SORCS1: variants seen among roughly 807,000 people sequenced by gnomAD.
SORCS1 encodes the protein VPS10 domain-containing receptor SorCS1.
In SORCS1, 60 loss-of-function variants were observed where a neutral mutation model predicts 146.1. The ratio of observed to expected loss-of-function variants is 0.41; its 90% confidence interval spans 0.33 to 0.51. The LOEUF (loss-of-function observed/expected upper bound fraction) is 0.51, where lower values mean the gene tolerates loss of function less well. Ranked by LOEUF, SORCS1 falls within the 20% of genes least tolerant of loss-of-function variation. The pLI is 0.21. For missense variants in SORCS1, 1,352 were observed against 1,487.6 expected, an observed-to-expected ratio of 0.91 and a Z score of 1.50; for synonymous variants, 637 against 584.0, an observed-to-expected ratio of 1.09 and a Z score of -1.31.
intron 3 of SORCS1, among the ~76,000 whole-genome samples, chr10:106,801,858 T>C (rs915785055): frequency 3.3e-5 from 5 of 152,150 alleles, no homozygotes; most frequent in East Asian, 1.9e-4. Flanking sequence ...CAGATGAATA[T>C]GCTGAGGCAC....
chr10:106,596,670 C>T (rs960591570), intron 24 of SORCS1, among the ~76,000 whole-genome samples: 10 of 152,028 alleles, frequency 6.6e-5, no homozygotes, highest in Admixed American at 1.3e-4. Context: ...ATCTCTACTG[C>T]GTTACATTAT....
At chr10:106,820,607 T>C (rs554752547) in intron 3 of SORCS1, among the ~76,000 whole-genome samples, 1 of 152,312 alleles carries the variant, frequency 6.6e-6, no homozygotes, top group South Asian at 2.1e-4. Flanking sequence ...TTGACTTTGT[T>C]TTCATGACAG....
At chr10:106,731,175 G>A (rs893202334) in intron 5 of SORCS1, among the ~76,000 whole-genome samples, 1 of 151,614 alleles carries the variant, frequency 6.6e-6, no homozygotes, top group African/African-American at 2.4e-5. Flanking sequence ...CGGGCGTGGT[G>A]GTGGGGTGCC....
chr10:106,854,330 T>G (rs1317206092), intron 2 of SORCS1, among the ~76,000 whole-genome samples: 1 of 152,082 alleles, frequency 6.6e-6, no homozygotes, highest in African/African-American at 2.4e-5. Flanking sequence ...ACTTTTAATT[T>G]GAATGTATCT....
intron 18 of SORCS1, among the ~76,000 whole-genome samples, chr10:106,632,698 A>G (rs1328359961): frequency 6.6e-6 from 1 of 152,240 alleles, no homozygotes; most frequent in Middle Eastern, 3.2e-3. Context: ...CTTACAGACC[A>G]CTAGTGAAAC....
At chr10:106,918,396 C>G (rs1239664310) in intron 2 of SORCS1, among the ~76,000 whole-genome samples, 1 of 152,152 alleles carries the variant, frequency 6.6e-6, no homozygotes, top group African/African-American at 2.4e-5. Flanking sequence ...ATCTCCTGAC[C>G]TGGTGATCCA....
At chr10:106,655,147 G>T (rs142027556) in intron 17 of SORCS1, among the ~76,000 whole-genome samples, 57 of 152,188 alleles carry the variant, frequency 3.7e-4, no homozygotes, top group South Asian at 8.3e-4. Context: ...GAGCCACCAC[G>T]CCTGGCCTCA....
At chr10:106,957,155 G>GTTT (rs373309411) in intron 1 of SORCS1, among the ~76,000 whole-genome samples, 4 of 136,442 alleles carry the variant, frequency 2.9e-5, no homozygotes, top group East Asian at 2.1e-4. Flanking sequence ...TTAGCATGTG[G>GTTT]TTTTTTTTTG....
chr10:107,071,605 G>C (rs957139002), intron 1 of SORCS1, among the ~76,000 whole-genome samples: 1 of 152,160 alleles, frequency 6.6e-6, no homozygotes, highest in Non-Finnish European at 1.5e-5. Context: ...CACATCCCTG[G>C]AAAATCATCC....
chr10:107,144,717 C>G (rs1222874418), intron 1 of SORCS1, among the ~76,000 whole-genome samples: 1 of 152,234 alleles, frequency 6.6e-6, no homozygotes, highest in Non-Finnish European at 1.5e-5. Context: ...GGGAACAGCT[C>G]CACCTGCTGA....
At chr10:107,018,072 A>T (rs752587092) in intron 1 of SORCS1, among the ~76,000 whole-genome samples, 2 of 152,202 alleles carry the variant, frequency 1.3e-5, no homozygotes, top group Non-Finnish European at 2.9e-5. Flanking sequence ...CTAAAGACAC[A>T]GTGGCACAGA....
intron 1 of SORCS1, among the ~76,000 whole-genome samples, chr10:107,096,210 TCA>T (rs1964536261): frequency 6.6e-6 from 1 of 152,240 alleles, no homozygotes; most frequent in Non-Finnish European, 1.5e-5. Context: ...CAAGAAACAG[TCA>T]CAGTTATGTT....
At chr10:106,645,770 T>C (rs921226729) in intron 18 of SORCS1, among the ~76,000 whole-genome samples, 3 of 152,038 alleles carry the variant, frequency 2.0e-5, no homozygotes, top group Non-Finnish European at 2.9e-5. Flanking sequence ...AATTTTATTA[T>C]TTTATTACTG....
intron 17 of SORCS1, among the ~76,000 whole-genome samples, chr10:106,655,023 AT>A: frequency 6.6e-6 from 1 of 152,152 alleles, no homozygotes; most frequent in Non-Finnish European, 1.5e-5. Context: ...CGAATGGCTA[AT>A]TTTTGTATTT....
chr10:106,924,768 T>G (rs77914271), intron 2 of SORCS1, among the ~76,000 whole-genome samples: 29 of 82,670 alleles, frequency 3.5e-4, no homozygotes, highest in South Asian at 8.2e-4. Flanking sequence ...GCATGGATTT[T>G]TTTTTTTTTT....
At chr10:107,055,600 C>A (rs1209570452) in intron 1 of SORCS1, among the ~76,000 whole-genome samples, 1 of 152,180 alleles carries the variant, frequency 6.6e-6, no homozygotes, top group Non-Finnish European at 1.5e-5. Context: ...GGTGATAGAA[C>A]TCATCCATTA....
intron 1 of SORCS1, among the ~76,000 whole-genome samples, chr10:107,083,923 G>C (rs925417247): frequency 6.6e-6 from 1 of 152,042 alleles, no homozygotes; most frequent in African/African-American, 2.4e-5. Flanking sequence ...GAAATGTATG[G>C]AATGCTGTTG....
At chr10:107,160,594 A>C (rs768504298) in intron 1 of SORCS1, among the ~76,000 whole-genome samples, 20 of 152,234 alleles carry the variant, frequency 1.3e-4, no homozygotes, top group South Asian at 4.1e-4. Flanking sequence ...ATGTAACATT[A>C]AAGATGTCAT....
chr10:106,955,042 G>C (rs1238971727), intron 2 of SORCS1, among the ~76,000 whole-genome samples: 1 of 152,244 alleles, frequency 6.6e-6, no homozygotes, highest in African/African-American at 2.4e-5. Flanking sequence ...GCCAGCCTAG[G>C]AGGCATGGGC....
Sources: gnomAD v4.1 joint callset for allele counts (sites outside exome capture counted in the v4.1 genomes callset) on GRCh38, gnomAD v4.1.1 for gene constraint, MANE v1.5 for transcripts, NCBI Gene and HGNC (gene_info 2026-07-23, HGNC 2026-07-21) for gene names.